The following RANBP2 variants were observed in gnomAD, a reference collection of about 807,000 sequenced individuals.
RANBP2 encodes RAN binding protein 2.
In RANBP2, 57 loss-of-function variants were observed where a neutral mutation model predicts 303.6. The observed-to-expected ratio is 0.19, with a 90% CI of 0.15 to 0.23. RANBP2 has a LOEUF of 0.23. RANBP2 is among the 10% of genes least tolerant of loss of function. RANBP2 has a pLI of 1.00. For missense variants in RANBP2, 3,138 were observed against 3,780.8 expected (o/e 0.83, Z 4.46); for synonymous variants, 1,167 against 1,301.5 (o/e 0.90, Z 2.23).
At chr2:109,296,841 A>G in the RANBP2 span, among the ~76,000 whole-genome samples, 1 of 152,130 alleles carries the variant, frequency 6.6e-6, no homozygotes, top group Non-Finnish European at 1.5e-5. Flanking sequence ...GTGGCCCCCA[A>G]GGCGTCTCAC....
At chr2:109,640,478 C>T in the RANBP2 span, among the ~76,000 whole-genome samples, 6 of 152,258 alleles carry the variant, frequency 3.9e-5, no homozygotes, top group South Asian at 1.2e-3. Context: ...AAAACCATTC[C>T]TTTTGTTTTC....
chr2:109,142,692 G>A, the RANBP2 span, among the ~76,000 whole-genome samples: 7 of 152,182 alleles, frequency 4.6e-5, no homozygotes, highest in Non-Finnish European at 1.0e-4. Context: ...TCAACTGAGC[G>A]GAGCATGGGC....
chr2:108,893,531 A>G, the RANBP2 span, among the ~76,000 whole-genome samples: 1 of 152,260 alleles, frequency 6.6e-6, no homozygotes, highest in East Asian at 1.9e-4. Context: ...TCTGATAAAG[A>G]TCTTGATCAA....
At chr2:109,564,612 A>AAAT in the RANBP2 span, 1 of 1,228,428 alleles carries the variant, frequency 8.1e-7, no homozygotes. Flanking sequence ...CTGAATGAAC[A>AAAT]AATAAATGAA....
At chr2:109,687,930 G>A in the RANBP2 span, among the ~76,000 whole-genome samples, 4 of 152,090 alleles carry the variant, frequency 2.6e-5, no homozygotes, top group Non-Finnish European at 4.4e-5. Context: ...ATTTTTAACA[G>A]AGATGGGCTT....
chr2:109,300,391 G>C, the RANBP2 span, among the ~76,000 whole-genome samples: 1 of 152,068 alleles, frequency 6.6e-6, no homozygotes, highest in Non-Finnish European at 1.5e-5. Context: ...CGTTGGTCAG[G>C]CTGGTCTCCA....
chr2:108,854,527 T>C, the RANBP2 span, among the ~76,000 whole-genome samples: 1 of 152,218 alleles, frequency 6.6e-6, no homozygotes, highest in Non-Finnish European at 1.5e-5. Flanking sequence ...TATAAAACTT[T>C]AAGAGTTGGT....
chr2:109,455,522 G>T, the RANBP2 span, among the ~76,000 whole-genome samples: 1 of 104,104 alleles, frequency 9.6e-6, no homozygotes, highest in East Asian at 2.5e-4. Context: ...TCATATATGT[G>T]TGTTACTATG....
chr2:108,798,094 T>C, the RANBP2 span, among the ~76,000 whole-genome samples: 2 of 151,742 alleles, frequency 1.3e-5, no homozygotes, highest in Non-Finnish European at 2.9e-5. Flanking sequence ...GTGGAGGGTA[T>C]AGGTAAAATA....
the RANBP2 span, among the ~76,000 whole-genome samples, chr2:108,826,982 T>C: frequency 2.0e-5 from 3 of 152,248 alleles, no homozygotes; most frequent in African/African-American, 7.2e-5. Context: ...TTTCACAGTA[T>C]TTTTATTCTT....
the RANBP2 span, among the ~76,000 whole-genome samples, chr2:109,364,522 C>G: frequency 6.6e-6 from 1 of 152,180 alleles, no homozygotes; most frequent in Non-Finnish European, 1.5e-5. Context: ...TTTTGCCTTT[C>G]AGTATGTACT....
the RANBP2 span, among the ~76,000 whole-genome samples, chr2:108,851,013 C>T: frequency 6.6e-6 from 1 of 152,174 alleles, no homozygotes. Context: ...GTTGCAAGTC[C>T]GGCCCTCTGG....
the RANBP2 span, among the ~76,000 whole-genome samples, chr2:108,816,990 C>G: frequency 1.3e-5 from 2 of 152,196 alleles, no homozygotes; most frequent in Admixed American, 6.5e-5. Context: ...GGCCACTGTG[C>G]CCAGACCCAG....
chr2:108,949,813 A>G, the RANBP2 span, among the ~76,000 whole-genome samples: 3 of 152,222 alleles, frequency 2.0e-5, no homozygotes, highest in Admixed American at 6.5e-5. Flanking sequence ...CCAATGATTT[A>G]TCATGGGTTA....
At chr2:108,828,860 C>T in the RANBP2 span, among the ~76,000 whole-genome samples, 3 of 152,068 alleles carry the variant, frequency 2.0e-5, no homozygotes, top group Non-Finnish European at 4.4e-5. Flanking sequence ...CACCTGTAAT[C>T]CCAGGTACTC....
chr2:109,154,796 G>A, the RANBP2 span, among the ~76,000 whole-genome samples: 32 of 152,298 alleles, frequency 2.1e-4, no homozygotes, highest in African/African-American at 7.7e-4. Flanking sequence ...GACCTGTGGT[G>A]ACACCAACCT....
the RANBP2 span, among the ~76,000 whole-genome samples, chr2:109,113,351 T>C: frequency 3.9e-5 from 6 of 151,908 alleles, no homozygotes; most frequent in Admixed American, 3.9e-4. Flanking sequence ...GTCCTTCACG[T>C]CCCTTGTAAG....
chr2:109,615,445 C>A, the RANBP2 span: 6 of 1,613,036 alleles, frequency 3.7e-6, no homozygotes, highest in Admixed American at 6.7e-5. Flanking sequence ...GAGCTTCTGG[C>A]CATGCTAGTC....
chr2:109,357,925 T>G, the RANBP2 span, among the ~76,000 whole-genome samples: 1 of 152,212 alleles, frequency 6.6e-6, no homozygotes, highest in Non-Finnish European at 1.5e-5. Context: ...TGACAAATCG[T>G]TATTACTCTA....
Sources: gnomAD v4.1 joint callset for allele counts (sites outside exome capture counted in the v4.1 genomes callset) on GRCh38, gnomAD v4.1.1 for gene constraint, MANE v1.5 for transcripts, NCBI Gene and HGNC (gene_info 2026-07-23, HGNC 2026-07-21) for gene names.